Variants in CDH13 observed in about 807,000 individuals in gnomAD.
CDH13 encodes the protein cadherin-13.
Under a neutral mutation model 63.8 loss-of-function variants are expected in CDH13, and 24 were observed. That is an observed-to-expected ratio of 0.38 (90% CI 0.27 to 0.53). CDH13 has a LOEUF of 0.53. Among genes scored for constraint, CDH13 ranks in the 20% least tolerant of loss-of-function variants. The pLI, the probability that CDH13 is intolerant of heterozygous loss-of-function variation, is 0.85. For missense variants in CDH13, 1,049 were observed against 903.1 expected (o/e 1.16, Z -2.07); for synonymous variants, 503 against 355.3 (o/e 1.42, Z -4.67).
chr16:83,565,562 A>G (rs1339404716), intron 7 of CDH13, among the ~76,000 whole-genome samples: 3 of 152,030 alleles, frequency 2.0e-5, no homozygotes, highest in Admixed American at 6.5e-5. Flanking sequence ...GAGAGGAAGG[A>G]CAAGGCAGTG....
At chr16:83,190,518 C>T (rs550497689) in intron 4 of CDH13, among the ~76,000 whole-genome samples, 2 of 152,242 alleles carry the variant, frequency 1.3e-5, no homozygotes, top group East Asian at 1.9e-4. Context: ...TGCCCTATGC[C>T]CCCATACTGT....
intron 8 of CDH13, among the ~76,000 whole-genome samples, chr16:83,629,613 G>T (rs1429288542): frequency 2.0e-5 from 3 of 152,222 alleles, no homozygotes; most frequent in African/African-American, 7.2e-5. Flanking sequence ...AATCCACGTT[G>T]GTTTCCCATT....
chr16:83,202,683 G>T (rs1400740005), intron 4 of CDH13, among the ~76,000 whole-genome samples: 1 of 152,198 alleles, frequency 6.6e-6, no homozygotes, highest in African/African-American at 2.4e-5. Context: ...CTCAGGGAAA[G>T]GGCAGTCAAC....
At chr16:83,032,550 G>C (rs557592033) in intron 3 of CDH13, among the ~76,000 whole-genome samples, 1 of 152,258 alleles carries the variant, frequency 6.6e-6, no homozygotes, top group African/African-American at 2.4e-5. Flanking sequence ...TATTGAGACA[G>C]TCACATCTCT....
intron 4 of CDH13, among the ~76,000 whole-genome samples, chr16:83,133,130 C>G (rs1195123039): frequency 1.3e-5 from 2 of 152,190 alleles, no homozygotes; most frequent in Non-Finnish European, 1.5e-5. Flanking sequence ...TTAATTGGGG[C>G]TCAAAAAGTA....
intron 1 of CDH13, among the ~76,000 whole-genome samples, chr16:82,782,058 G>A (rs1332267565): frequency 6.6e-6 from 1 of 152,222 alleles, no homozygotes; most frequent in East Asian, 1.9e-4. Flanking sequence ...AGTAGCTGAT[G>A]AATATTCAGA....
chr16:82,685,274 A>C (rs1402980147), intron 1 of CDH13, among the ~76,000 whole-genome samples: 1 of 152,204 alleles, frequency 6.6e-6, no homozygotes, highest in African/African-American at 2.4e-5. Context: ...CAACAGATTT[A>C]GTGTCTGGTG....
At chr16:82,906,740 G>A (rs946528378) in intron 2 of CDH13, among the ~76,000 whole-genome samples, 4 of 152,156 alleles carry the variant, frequency 2.6e-5, no homozygotes, top group Admixed American at 2.6e-4. Context: ...TCCCTCCGAA[G>A]GCTCCAGGGG....
chr16:82,929,651 C>CAAAAAAAAAAAA, intron 2 of CDH13, among the ~76,000 whole-genome samples: 448 of 44,272 alleles, frequency 0.01, 41 homozygotes, highest in Middle Eastern at 0.017. Flanking sequence ...GACTCCATCT[C>CAAAAAAAAAAAA]AAAAAAAAAA....
chr16:83,560,912 C>T (rs149891190), intron 7 of CDH13, among the ~76,000 whole-genome samples: 1,744 of 152,098 alleles, frequency 0.011, 41 homozygotes, highest in African/African-American at 0.04. Flanking sequence ...CCCCCCCCGC[C>T]CCAGGGGCTG....
intron 7 of CDH13, among the ~76,000 whole-genome samples, chr16:83,503,396 C>CG (rs1168592917): frequency 5.3e-5 from 8 of 151,964 alleles, no homozygotes; most frequent in Non-Finnish European, 8.8e-5. Flanking sequence ...GATAACAACA[C>CG]GCCACATCTA....
intron 2 of CDH13, among the ~76,000 whole-genome samples, chr16:83,015,624 T>C (rs1319159240): frequency 7.1e-6 from 1 of 140,748 alleles, no homozygotes; most frequent in Non-Finnish European, 1.5e-5. Context: ...ATATCACAGT[T>C]GTGGGGACCA....
chr16:83,632,155 T>C (rs1315535368), intron 8 of CDH13, among the ~76,000 whole-genome samples: 1 of 152,184 alleles, frequency 6.6e-6, no homozygotes, highest in Admixed American at 6.5e-5. Context: ...TGTTTCCTCA[T>C]TGTTACTCCA....
chr16:83,006,940 T>TTTTTA (rs1913584018), intron 2 of CDH13, among the ~76,000 whole-genome samples: 12 of 151,218 alleles, frequency 7.9e-5, no homozygotes, highest in East Asian at 1.9e-4. Context: ...TTGTTTTTTT[T>TTTTTA]GAGACAGAGT....
intron 2 of CDH13, among the ~76,000 whole-genome samples, chr16:82,959,954 C>A (rs1597299480): frequency 6.6e-6 from 1 of 152,270 alleles, no homozygotes; most frequent in East Asian, 1.9e-4. Context: ...TATATAATTG[C>A]ATGTGTTGTT....
chr16:82,856,421 G>A (rs2039695861), intron 1 of CDH13, among the ~76,000 whole-genome samples: 1 of 146,946 alleles, frequency 6.8e-6, no homozygotes, highest in Non-Finnish European at 1.5e-5. Context: ...AAAAATACTA[G>A]CTGGGTGCAG....
intron 6 of CDH13, among the ~76,000 whole-genome samples, chr16:83,355,791 A>C (rs1408308236): frequency 6.6e-6 from 1 of 152,186 alleles, no homozygotes; most frequent in African/African-American, 2.4e-5. Context: ...TCAGTTTTCA[A>C]CTGCTACACA....
intron 8 of CDH13, among the ~76,000 whole-genome samples, chr16:83,607,138 C>G (rs1427740090): frequency 1.3e-5 from 2 of 152,132 alleles, no homozygotes; most frequent in African/African-American, 2.4e-5. Flanking sequence ...GTAAGCTCAT[C>G]CAGGCACGGT....
intron 6 of CDH13, among the ~76,000 whole-genome samples, chr16:83,367,984 A>T (rs1303119647): frequency 1.3e-5 from 2 of 152,192 alleles, no homozygotes; most frequent in Non-Finnish European, 2.9e-5. Context: ...TTCAATAGAC[A>T]AGTCTTGCAT....
Sources: gnomAD v4.1 joint callset for allele counts (sites outside exome capture counted in the v4.1 genomes callset) on GRCh38, gnomAD v4.1.1 for gene constraint, MANE v1.5 for transcripts, NCBI Gene and HGNC (gene_info 2026-07-23, HGNC 2026-07-21) for gene names.